Variants in NPFFR1 observed in about 807,000 individuals in gnomAD.
The protein encoded by NPFFR1 is neuropeptide FF receptor 1.
NPFFR1 carries 17 observed loss-of-function variants against 12.7 expected under a neutral mutation model. That is an observed-to-expected ratio of 1.34 (90% CI 0.92 to 2.01). The LOEUF is 2.01. NPFFR1 is among the 30% of genes most tolerant of loss of function. The probability of loss-of-function intolerance (pLI) is 0.00; values close to 1 mark genes in which losing one functional copy is unlikely to be tolerated. For synonymous variants in NPFFR1, 296 were observed against 264.5 expected, an observed-to-expected ratio of 1.12 and a Z score of -1.16; for missense variants, 604 against 606.5, an observed-to-expected ratio of 1.00 and a Z score of 0.04.
chr10:70,272,244 G>GGAAAGAAAGAAAGAAAGAAAGA lies in NPFFR1; in HGVS notation c.8-5854_8-5853insTCTTTCTTTCTTTCTTTCTTTC, dbSNP rs1840757340. Among the ~76,000 whole-genome samples the GGAAAGAAAGAAAGAAAGAAAGA allele has an allele frequency of 9.8e-4, 63 of 64,406 alleles. 3 individuals are homozygous for GGAAAGAAAGAAAGAAAGAAAGA. Among genetic ancestry groups the GGAAAGAAAGAAAGAAAGAAAGA allele is most frequent in the Non-Finnish European group, 3.1e-4 (10 of 32,460 alleles). The allele number at this position is 64,406 out of a possible 152,430, so 42.3% of individuals were successfully genotyped here. ...AGAAAGAAAGAAAGAAAGAAAGAAA[G>GGAAAGAAAGAAAGAAAGAAAGA]AAGAAAGAAGAAAGAAAATAATAGA... On this transcript the variant is annotated intron_variant, in intron 1 of 3. Coordinates refer to ENST00000277942, the MANE Select transcript of NPFFR1 (RefSeq NM_022146.5).
intron 1 of NPFFR1, among the ~76,000 whole-genome samples, chr10:70,275,356 A>T (rs1346803287): frequency 1.3e-5 from 2 of 152,220 alleles, no homozygotes; most frequent in African/African-American, 2.4e-5. Context: ...CAGTCTATTT[A>T]AAAGAATTCC....
chr10:70,272,251 G>GA lies in NPFFR1; in HGVS notation c.8-5861dup, dbSNP rs11447906. Among the ~76,000 whole-genome samples the GA allele has an allele frequency of 5.2e-3, 236 of 45,518 alleles. 1 individual carries two copies. Among genetic ancestry groups the GA allele is most frequent in the South Asian group, 0.013 (18 of 1,438 alleles). The allele number at this position is 45,518 out of a possible 152,430, so 29.9% of individuals were successfully genotyped here. On this transcript the variant is annotated intron_variant, in intron 1 of 3. Coordinates refer to ENST00000277942, the MANE Select transcript of NPFFR1 (RefSeq NM_022146.5). ...AAGAAAGAAAGAAAGAAAGAAGAAAGAAGAAAGAAAATAATAGAAAGAAAA... is the reference window on the plus strand; with the variant it reads ...AAGAAAGAAAGAAAGAAAGAAGAAAGAAAGAAAGAAAATAATAGAAAGAAAA...
rs1589907012 is a variant in NPFFR1, at chr10:70,250,591, C to A, written c.*4366G>T. On this transcript the variant is annotated 3_prime_UTR_variant, in exon 4 of 4. Coordinates refer to ENST00000277942, the MANE Select transcript of NPFFR1 (RefSeq NM_022146.5). Reference sequence around the variant, plus strand: ...CAAAAGGAAAAACTACTGATACATGCTACAGCATGAATGAATCTTGCAAAC... The same window carrying A: ...CAAAAGGAAAAACTACTGATACATGATACAGCATGAATGAATCTTGCAAAC... The A allele has an allele frequency of 6.6e-6, 1 of 152,158 alleles. No homozygotes were observed. Among genetic ancestry groups the A allele is most frequent in the Non-Finnish European group, 1.5e-5 (1 of 68,032 alleles). The allele number at this position is 152,158 out of a possible 1,614,324, so 9.4% of individuals were successfully genotyped here. A position where few individuals can be genotyped will look rare whatever the true frequency, so the allele number is the denominator to read the frequency against.
chr10:70,273,383 C>T (rs1257992115), intron 1 of NPFFR1, among the ~76,000 whole-genome samples: 1 of 152,216 alleles, frequency 6.6e-6, no homozygotes, highest in Non-Finnish European at 1.5e-5. Flanking sequence ...CTTTAAGACT[C>T]TGATGCATTT....
chr10:70,260,819 C>G, intron 2 of NPFFR1, 80 bp from the exon 3 acceptor site: 5 of 1,206,246 alleles, frequency 4.1e-6, no homozygotes, highest in Non-Finnish European at 6.0e-6. Flanking sequence ...CAAGCCAGGT[C>G]CCCTCTGAGC....
In NPFFR1 at chr10:70,253,128, T is replaced by C. The variant is rs969720183; in HGVS notation, c.*1829A>G. 3 of 152,304 alleles carry C rather than the reference T, an allele frequency of 2.0e-5. No homozygotes were observed. Among genetic ancestry groups the C allele is most frequent in the African/African-American group, 7.2e-5 (3 of 41,404 alleles). The allele number at this position is 152,304 out of a possible 1,614,324, so 9.4% of individuals were successfully genotyped here. On this transcript the variant is annotated 3_prime_UTR_variant, in exon 4 of 4. Transcript: ENST00000277942. ...AATACCACTGAGGGGCAGGAGGGCATACTCTCTCTCAGACCCTCATCCATC... is the reference window on the plus strand; with the variant it reads ...AATACCACTGAGGGGCAGGAGGGCACACTCTCTCTCAGACCCTCATCCATC...
chr10:70,254,434 T>G lies in NPFFR1; in HGVS notation c.*523A>C, dbSNP rs980883351. Reference sequence around the variant, plus strand: ...GCTTCAGTAACGGAACATGAGGGACTCCCTCACATGGACACAAAGCATCAA... The same window carrying G: ...GCTTCAGTAACGGAACATGAGGGACGCCCTCACATGGACACAAAGCATCAA... On this transcript the variant is annotated 3_prime_UTR_variant, in exon 4 of 4. Transcript: ENST00000277942. 6.5e-6 allele frequency: 1 copy of G among 152,824 alleles called. No homozygotes were observed. Among genetic ancestry groups the G allele is most frequent in the Non-Finnish European group, 1.5e-5 (1 of 68,474 alleles). 9.5% of individuals were successfully genotyped at this position (152,824 alleles called of 1,614,324 possible).
intron 2 of NPFFR1, among the ~76,000 whole-genome samples, chr10:70,265,697 T>C (rs977689604): frequency 2.6e-5 from 4 of 152,224 alleles, no homozygotes; most frequent in Admixed American, 2.0e-4. Context: ...ATTAGAAGTA[T>C]GGGTGTGAGA....
intron 2 of NPFFR1, among the ~76,000 whole-genome samples, chr10:70,265,013 T>G (rs1339098451): frequency 6.6e-6 from 1 of 152,156 alleles, no homozygotes; most frequent in Non-Finnish European, 1.5e-5. Flanking sequence ...TGTGTGTCTA[T>G]GTGTTGGAAA....
chr10:70,283,818 C>A lies in NPFFR1; in HGVS notation c.-142G>T. 1.1e-6 allele frequency: 1 copy of A among 908,980 alleles called. No homozygotes were observed. The highest frequency in any genetic ancestry group is 1.6e-5 in the South Asian group (1 of 61,158). The allele number at this position is 908,980 out of a possible 1,614,324, so 56.3% of individuals were successfully genotyped here. On this transcript the variant is annotated 5_prime_UTR_variant, in exon 1 of 4. The change creates a premature stop within an existing upstream ORF in the 5' untranslated region. Coordinates refer to ENST00000277942, the MANE Select transcript of NPFFR1 (RefSeq NM_022146.5). ...CCGCGCTCCGCAGGTCCGGTCGGTCCGGGCAGAGGTGAGCAGGGGGCGTGC... is the reference window on the plus strand; with the variant it reads ...CCGCGCTCCGCAGGTCCGGTCGGTCAGGGCAGAGGTGAGCAGGGGGCGTGC...
At chr10:70,257,134 G>C (rs1483893828) in intron 3 of NPFFR1, among the ~76,000 whole-genome samples, 2 of 152,112 alleles carry the variant, frequency 1.3e-5, no homozygotes, top group Non-Finnish European at 2.9e-5. Flanking sequence ...GGGGATGCTT[G>C]CCTATTCTTC....
At chr10:70,278,888 TTG>T (rs1426309119) in intron 1 of NPFFR1, among the ~76,000 whole-genome samples, 4 of 152,258 alleles carry the variant, frequency 2.6e-5, no homozygotes, top group African/African-American at 4.8e-5. Flanking sequence ...TACCAGCCAG[TTG>T]TGTCTTATGA....
chr10:70,283,627 G>C (rs1311590882), intron 1 of NPFFR1, 43 bp downstream of exon 1: 2 of 1,524,176 alleles, frequency 1.3e-6, no homozygotes, highest in Middle Eastern at 1.7e-4. Flanking sequence ...CCCGGAGTCG[G>C]TACCCTGCCC....
At position 70,251,307 on chromosome 10, in the gene NPFFR1, G is replaced by C. The variant is rs1840508378; in HGVS notation, c.*3650C>G. The C allele has an allele frequency of 6.6e-6, 1 of 152,418 alleles. No homozygotes were observed. The allele number at this position is 152,418 out of a possible 1,614,324, so 9.4% of individuals were successfully genotyped here. On this transcript the variant is annotated 3_prime_UTR_variant, in exon 4 of 4. Transcript: ENST00000277942. ...ATACACAGTAGACTAATGATAGGGG[G>C]GCTCTCATCTTCCTTTGCCAACTTC...
Position 70,258,143 on chromosome 10 carries a change from G to A in NPFFR1, c.423-2316C>T, listed in dbSNP as rs189448664. On this transcript the variant is annotated intron_variant, in intron 3 of 3. Transcript: ENST00000277942. ...TTGTTTCTCTATACTTTGTCTCTGCGTCTTATTTCTCTTTCTCAGTCTCTC... is the reference window on the plus strand; with the variant it reads ...TTGTTTCTCTATACTTTGTCTCTGCATCTTATTTCTCTTTCTCAGTCTCTC... 3.0e-3 allele frequency among the ~76,000 whole-genome samples: 464 copies of A among 152,230 alleles called. 2 individuals carry two copies. Among genetic ancestry groups the A allele is most frequent in the Admixed American group, 5.4e-3 (82 of 15,284 alleles).
intron 3 of NPFFR1, among the ~76,000 whole-genome samples, chr10:70,256,454 G>T (rs67711746): frequency 0.067 from 10,257 of 152,246 alleles, 496 homozygotes; most frequent in African/African-American, 0.12. Flanking sequence ...GTCTGTCCTC[G>T]ACAAGGACGA....
chr10:70,271,849 G>C (rs1318449220), intron 1 of NPFFR1, among the ~76,000 whole-genome samples: 1 of 152,084 alleles, frequency 6.6e-6, no homozygotes, highest in Non-Finnish European at 1.5e-5. Flanking sequence ...GGGCGCGGTG[G>C]CTCACACCTG....
intron 1 of NPFFR1, among the ~76,000 whole-genome samples, chr10:70,276,306 G>A (rs759630681): frequency 6.6e-6 from 1 of 152,060 alleles, no homozygotes; most frequent in Admixed American, 6.5e-5. Flanking sequence ...CTCCTAACGA[G>A]GCATCACTGC....
intron 1 of NPFFR1, among the ~76,000 whole-genome samples, chr10:70,272,197 A>AAGAG (rs1491205698): frequency 8.2e-6 from 1 of 121,700 alleles, no homozygotes; most frequent in Non-Finnish European, 1.7e-5. Flanking sequence ...GGAGGAAAGA[A>AAGAG]AGAAAGAAAG....
Sources: gnomAD v4.1 joint callset for allele counts (sites outside exome capture counted in the v4.1 genomes callset) on GRCh38, gnomAD v4.1.1 for gene constraint, MANE v1.5 for transcripts, NCBI Gene and HGNC (gene_info 2026-07-23, HGNC 2026-07-21) for gene names.